NCS1: variants seen among roughly 807,000 people sequenced by gnomAD.
The protein encoded by NCS1 is neuronal calcium sensor 1, also known as frequenin homolog.
A neutral mutation model predicts 28.4 loss-of-function variants in NCS1; 6 were observed. The ratio of observed to expected loss-of-function variants is 0.21; its 90% CI spans 0.12 to 0.42. The LOEUF is 0.42. Among genes scored for constraint, NCS1 ranks in the 10% least tolerant of loss-of-function variants. NCS1 has a pLI of 1.00. For synonymous variants in NCS1, 86 were observed against 99.3 expected (o/e 0.87, Z 0.79); for missense variants, 131 against 241.4 (o/e 0.54, Z 3.03).
intron 2 of NCS1, among the ~76,000 whole-genome samples, chr9:130,213,387 C>A (rs1477941732): frequency 6.6e-6 from 1 of 151,720 alleles, no homozygotes; most frequent in Non-Finnish European, 1.5e-5. Flanking sequence ...TCACCATTCT[C>A]CTGCCTCAGC....
At chr9:130,173,437 G>C (rs1376624244) in intron 1 of NCS1, among the ~76,000 whole-genome samples, 1 of 152,182 alleles carries the variant, frequency 6.6e-6, no homozygotes. Flanking sequence ...CTCCAGATCA[G>C]CCTCAGTGTG....
intron 1 of NCS1, among the ~76,000 whole-genome samples, chr9:130,173,011 C>A (rs1359348446): frequency 6.6e-6 from 1 of 152,126 alleles, no homozygotes; most frequent in Non-Finnish European, 1.5e-5. Context: ...CTGGCGGCCC[C>A]CTCTCCGCAG....
chr9:130,172,940 A>AGTGCGCGCCGGTCGGC (rs1832506623), intron 1 of NCS1, among the ~76,000 whole-genome samples: 1 of 151,236 alleles, frequency 6.6e-6, no homozygotes, highest in Non-Finnish European at 1.5e-5. Flanking sequence ...CAGCCCGGGG[A>AGTGCGCGCCGGTCGGC]GTGCGCGCCG....
chr9:130,217,768 T>G lies in NCS1; in HGVS notation c.90-64T>G, dbSNP rs185174823. 6.0e-4 allele frequency: 961 copies of G among 1,609,938 alleles called. 2 individuals carry two copies. Among genetic ancestry groups the G allele is most frequent in the Admixed American group, 1.5e-3 (87 of 59,980 alleles). On this transcript the variant is annotated intron_variant, in intron 2 of 7. Transcript: ENST00000372398. ...TTTCCTGGGCCCCGGGCAGGCGATG[T>G]TGGTGGTGGGTGGGTGATGTTGGCG... is the stretch of plus-strand genomic sequence containing the variant.
intron 7 of NCS1, among the ~76,000 whole-genome samples, chr9:130,228,362 GT>G (rs34399055): frequency 6.6e-6 from 1 of 150,724 alleles, no homozygotes; most frequent in Non-Finnish European, 1.5e-5. Context: ...AAAAAAAAGT[GT>G]TTTTTTTGTT....
intron 2 of NCS1, among the ~76,000 whole-genome samples, chr9:130,202,741 C>G (rs1461126466): frequency 6.6e-6 from 1 of 151,940 alleles, no homozygotes; most frequent in Admixed American, 6.6e-5. Context: ...CACCATGCCC[C>G]ACTAATTTTT....
At position 130,180,755 on chromosome 9, in the gene NCS1, T is replaced by C. The variant is rs1233132010; in HGVS notation, c.64+8028T>C. On this transcript the variant is annotated intron_variant, in intron 1 of 7. Transcript: ENST00000372398. The surrounding 1 kb of genome is among the most constrained non-coding windows in gnomAD (Gnocchi z 4.5). ...AATGCTCTCCCAGGAAGGAGGCTGC[T>C]GGACCGGCTGTATCAGGGACAGCCG... 1.3e-5 allele frequency among the ~76,000 whole-genome samples: 2 copies of C among 152,232 alleles called. No homozygotes were observed. The highest frequency in any genetic ancestry group is 2.4e-5 in the African/African-American group (1 of 41,448).
intron 2 of NCS1, among the ~76,000 whole-genome samples, chr9:130,212,492 CT>C (rs760221671): frequency 2.0e-5 from 3 of 149,024 alleles, no homozygotes; most frequent in Non-Finnish European, 4.4e-5. Flanking sequence ...TGGGGAAACC[CT>C]GATCTAGTAT....
chr9:130,209,885 C>G lies in NCS1; in HGVS notation c.90-7947C>G, dbSNP rs1588119347. Among the ~76,000 whole-genome samples the G allele has an allele frequency of 6.6e-6, 1 of 152,144 alleles. No individual in the cohort carries two copies. The highest frequency in any genetic ancestry group is 1.9e-4 in the East Asian group (1 of 5,188). On this transcript the variant is annotated intron_variant, in intron 2 of 7. Coordinates refer to ENST00000372398, the MANE Select transcript of NCS1 (RefSeq NM_014286.4). This position sits in a 1 kb window ranked among gnomAD's most constrained non-coding sequence, Gnocchi z 4.4. ...TTCCCGTGGCTGGGGATCGCAGGCC[C>G]CGTTCTTCACAGCCTGGGCCTGCCT...
Position 130,177,918 on chromosome 9 carries a change from T to C in NCS1, c.64+5191T>C, listed in dbSNP as rs557678981. Among the ~76,000 whole-genome samples the C allele has an allele frequency of 3.9e-5, 6 of 152,368 alleles. No homozygotes were observed. The East Asian group carries it at 1.2e-3, about 29-fold the overall frequency. ...GCAAACCTCCTCTCACCGGCTTCAC[T>C]TTCCGCCTCTGGAAAATGGGCAGTT... On this transcript the variant is annotated intron_variant, in intron 1 of 7. Transcript: ENST00000372398. This position sits in a 1 kb window ranked among gnomAD's most constrained non-coding sequence, Gnocchi z 4.4.
chr9:130,182,465 T>A (rs1289621656), intron 1 of NCS1, among the ~76,000 whole-genome samples: 1 of 152,194 alleles, frequency 6.6e-6, no homozygotes, highest in East Asian at 1.9e-4. Flanking sequence ...GCAGATAGGA[T>A]CCTTCCCGCT....
chr9:130,184,779 C>T (rs1832717845), intron 1 of NCS1, among the ~76,000 whole-genome samples: 2 of 142,718 alleles, frequency 1.4e-5, no homozygotes, highest in African/African-American at 5.2e-5. Context: ...AGGCGTGCAC[C>T]ACCACGCCTG....
intron 7 of NCS1, among the ~76,000 whole-genome samples, chr9:130,227,711 G>A (rs912136859): frequency 6.6e-6 from 1 of 152,196 alleles, no homozygotes; most frequent in Non-Finnish European, 1.5e-5. Flanking sequence ...CATTTGTGAT[G>A]TGCTAGGTTA....
rs1554904544 is a variant in NCS1 at position 130,175,849 on chromosome 9, G to A, written c.64+3122G>A. ...CTCTGCAGCCAAGACTTAGACAGTG[G>A]CAGTCAGCATTGCGGGCGGCCCAGT... On this transcript the variant is annotated intron_variant, in intron 1 of 7. Coordinates refer to ENST00000372398, the MANE Select transcript of NCS1 (RefSeq NM_014286.4). This position sits in a 1 kb window ranked among gnomAD's most constrained non-coding sequence, Gnocchi z 4.9. Among the ~76,000 whole-genome samples the A allele has an allele frequency of 6.6e-6, 1 of 152,212 alleles. No individual in the cohort carries two copies. The highest frequency in any genetic ancestry group is 2.4e-5 in the African/African-American group (1 of 41,440).
Position 130,180,384 on chromosome 9 carries a change from C to T in NCS1, c.64+7657C>T, listed in dbSNP as rs1554905058. 2.0e-5 allele frequency among the ~76,000 whole-genome samples: 3 copies of T among 152,062 alleles called. No homozygotes were observed. The East Asian group carries it at 5.8e-4, about 29-fold the overall frequency. Reference sequence around the variant, plus strand: ...AGGTCTTCTGCTGGGGTTCATCTTGCCCCAGATATCTCTAGCACTCTGGTA... The same window carrying T: ...AGGTCTTCTGCTGGGGTTCATCTTGTCCCAGATATCTCTAGCACTCTGGTA... On this transcript the variant is annotated intron_variant, in intron 1 of 7. Transcript: ENST00000372398. This position sits in a 1 kb window ranked among gnomAD's most constrained non-coding sequence, Gnocchi z 4.5.
At chr9:130,200,523 C>G (rs1342775828) in intron 1 of NCS1, 2 of 1,531,982 alleles carry the variant, frequency 1.3e-6, no homozygotes, top group African/African-American at 2.8e-5. Context: ...GCTCCCCCCA[C>G]CCCCCCACAT....
At chr9:130,173,199 T>TGGGGGG (rs372844368) in intron 1 of NCS1, among the ~76,000 whole-genome samples, 14 of 119,786 alleles carry the variant, frequency 1.2e-4, no homozygotes, top group African/African-American at 4.3e-4. Context: ...CCCGTTCGTG[T>TGGGGGG]GGGGGGGGGG....
At chr9:130,220,767 T>A (rs1178323000) in intron 4 of NCS1, among the ~76,000 whole-genome samples, 47 of 151,056 alleles carry the variant, frequency 3.1e-4, no homozygotes, top group Non-Finnish European at 5.0e-4. Context: ...TTTTTTTTTT[T>A]AAGAAATAAA....
chr9:130,222,989 T>C, intron 5 of NCS1, 93 bp from the exon 6 acceptor site: 1 of 1,020,864 alleles, frequency 9.8e-7, no homozygotes, highest in Non-Finnish European at 1.5e-6. Flanking sequence ...GCGGCCCTCA[T>C]CTGGAAACTG....
Sources: gnomAD v4.1 joint callset for allele counts (sites outside exome capture counted in the v4.1 genomes callset) on GRCh38, gnomAD v4.1.1 for gene constraint, Gnocchi (gnomAD v3.1) non-coding constraint, MANE v1.5 for transcripts, NCBI Gene and HGNC (gene_info 2026-07-23, HGNC 2026-07-21) for gene names.